NRXN1: variants seen among roughly 807,000 people sequenced by gnomAD.
NRXN1 encodes neurexin 1.
NRXN1 carries 39 observed loss-of-function variants against 150.9 expected under a neutral mutation model. The observed-to-expected ratio is 0.26, with a 90% CI of 0.20 to 0.34. The LOEUF is 0.34. NRXN1 is among the 10% of genes least tolerant of loss of function. The pLI is 1.00. For missense variants in NRXN1, 1,815 were observed against 1,949.9 expected (o/e 0.93, Z 1.30); for synonymous variants, 924 against 757.0 (o/e 1.22, Z -3.62).
intron 8 of NRXN1, among the ~76,000 whole-genome samples, chr2:50,613,802 G>C (rs1037158781): frequency 6.6e-6 from 1 of 152,036 alleles, no homozygotes; most frequent in Non-Finnish European, 1.5e-5. Flanking sequence ...CCCGGGCATG[G>C]TGACGGGCAC....
chr2:50,859,665 A>G (rs1047594670), intron 5 of NRXN1, among the ~76,000 whole-genome samples: 1 of 151,926 alleles, frequency 6.6e-6, no homozygotes, highest in African/African-American at 2.4e-5. Context: ...TGTCAACAAA[A>G]GGGTTTGCCA....
intron 21 of NRXN1, among the ~76,000 whole-genome samples, chr2:49,975,814 A>T (rs201414300): frequency 6.6e-6 from 1 of 152,136 alleles, no homozygotes; most frequent in South Asian, 2.1e-4. Flanking sequence ...TAGTAAACTG[A>T]GTAGATAAAC....
chr2:50,129,675 G>C (rs1259699565), intron 18 of NRXN1, among the ~76,000 whole-genome samples: 2 of 152,080 alleles, frequency 1.3e-5, no homozygotes, highest in Non-Finnish European at 2.9e-5. Flanking sequence ...GACCAATTTG[G>C]TTCCTTTAAA....
intron 18 of NRXN1, among the ~76,000 whole-genome samples, chr2:50,166,462 A>C (rs921285152): frequency 6.6e-6 from 1 of 152,106 alleles, no homozygotes; most frequent in Non-Finnish European, 1.5e-5. Flanking sequence ...GCTTGGAAGC[A>C]GTTTCATCTT....
chr2:50,697,127 G>C (rs555862945), intron 5 of NRXN1, among the ~76,000 whole-genome samples: 2 of 152,212 alleles, frequency 1.3e-5, no homozygotes, highest in Admixed American at 1.3e-4. Flanking sequence ...ATTTGGAAGG[G>C]GCAGATGGGA....
chr2:50,036,707 G>A (rs1421597), intron 21 of NRXN1, among the ~76,000 whole-genome samples: 58,160 of 151,950 alleles, frequency 0.38, 11,688 homozygotes, highest in Middle Eastern at 0.5. Flanking sequence ...TTGCTTAATC[G>A]GTGTGGCAAA....
At chr2:50,905,566 T>C (rs1683551340) in intron 5 of NRXN1, among the ~76,000 whole-genome samples, 1 of 152,140 alleles carries the variant, frequency 6.6e-6, no homozygotes, top group Admixed American at 6.6e-5. Flanking sequence ...TCCCTCACTA[T>C]AATCATGCTT....
chr2:50,335,620 A>G (rs1005501762), intron 17 of NRXN1, among the ~76,000 whole-genome samples: 2 of 152,356 alleles, frequency 1.3e-5, no homozygotes, highest in East Asian at 1.9e-4. Context: ...AACTGCAGCA[A>G]TAGCCTTGAC....
chr2:50,636,136 G>A (rs887622714), intron 5 of NRXN1, among the ~76,000 whole-genome samples: 1 of 152,066 alleles, frequency 6.6e-6, no homozygotes, highest in Non-Finnish European at 1.5e-5. Flanking sequence ...ACATAAGAAC[G>A]AGATTGAAGT....
At chr2:50,656,503 G>A (rs1338751717) in intron 5 of NRXN1, 2 of 633,242 alleles carry the variant, frequency 3.2e-6, no homozygotes, top group East Asian at 5.5e-5. Flanking sequence ...TGAGGTCTGG[G>A]GGTGAAAGGG....
intron 8 of NRXN1, among the ~76,000 whole-genome samples, chr2:50,607,567 T>C (rs1247455019): frequency 6.6e-6 from 1 of 152,100 alleles, no homozygotes. Context: ...CAAATTGTGG[T>C]AAGGTAAAAT....
At chr2:50,546,069 G>C (rs903729366) in intron 9 of NRXN1, among the ~76,000 whole-genome samples, 4 of 152,008 alleles carry the variant, frequency 2.6e-5, no homozygotes, top group Admixed American at 6.6e-5. Flanking sequence ...CAAAAAATGG[G>C]GGGCCGGGCC....
At position 50,146,903 on chromosome 2, in the gene NRXN1, T is replaced by A. The variant is rs1322790977; in HGVS notation, c.3547-55409A>T. On this transcript the variant is annotated intron_variant, in intron 18 of 22. Coordinates refer to ENST00000401669, the MANE Select transcript of NRXN1 (RefSeq NM_001330078.2). ...GGTTTCAATTTATTCCTCTTAAGAA[T>A]TTATTTTGCATTTATGCATTCTAAC... 2.0e-5 allele frequency among the ~76,000 whole-genome samples: 3 copies of A among 151,892 alleles called. No homozygotes were observed. In the South Asian group the frequency reaches 6.2e-4, roughly 31 times the overall value.
intron 12 of NRXN1, among the ~76,000 whole-genome samples, chr2:50,522,335 C>A (rs1160710925): frequency 6.6e-6 from 1 of 152,206 alleles, no homozygotes; most frequent in Non-Finnish European, 1.5e-5. Context: ...ATAATGCCGA[C>A]TCTCAACAAT....
chr2:50,042,086 A>G (rs1691065077), intron 21 of NRXN1, among the ~76,000 whole-genome samples: 1 of 152,210 alleles, frequency 6.6e-6, no homozygotes, highest in African/African-American at 2.4e-5. Flanking sequence ...TTTTTAAAAA[A>G]CCAAACAACT....
At chr2:50,570,723 A>G (rs1030550132) in intron 8 of NRXN1, among the ~76,000 whole-genome samples, 5 of 149,652 alleles carry the variant, frequency 3.3e-5, no homozygotes, top group Non-Finnish European at 5.9e-5. Context: ...TAACAAATTT[A>G]TAACATGGCA....
chr2:50,439,227 T>A (rs189815870), intron 17 of NRXN1, among the ~76,000 whole-genome samples: 1 of 152,356 alleles, frequency 6.6e-6, no homozygotes, highest in East Asian at 1.9e-4. Context: ...GTAGTATGTT[T>A]AGTAGATGTT....
chr2:50,529,466 A>G (rs1198927902), intron 11 of NRXN1, among the ~76,000 whole-genome samples: 1 of 152,212 alleles, frequency 6.6e-6, no homozygotes, highest in Non-Finnish European at 1.5e-5. Context: ...TGTATGGGTA[A>G]CACAAACTGT....
chr2:50,958,743 C>T (rs1466783828), intron 2 of NRXN1, among the ~76,000 whole-genome samples: 1 of 152,038 alleles, frequency 6.6e-6, no homozygotes, highest in African/African-American at 2.4e-5. Flanking sequence ...TGAATGGAAG[C>T]AGCAAGAGTG....
Sources: allele counts gnomAD v4.1 joint callset (sites outside exome capture counted in the v4.1 genomes callset), GRCh38; gene constraint gnomAD v4.1.1; transcripts MANE v1.5; gene names NCBI Gene and HGNC (gene_info 2026-07-23, HGNC 2026-07-21).